CUL3: variants seen among roughly 807,000 people sequenced by gnomAD.
The protein encoded by CUL3 is cullin 3, also known as cullin-3.
Under a neutral mutation model 89.1 loss-of-function variants are expected in CUL3, and 19 were observed. That is an observed-to-expected ratio of 0.21 (90% CI 0.15 to 0.31). The LOEUF (loss-of-function observed/expected upper bound fraction) is 0.31. Ranked by LOEUF, CUL3 falls within the 10% of genes least tolerant of loss-of-function variation. The pLI, the probability that CUL3 is intolerant of heterozygous loss-of-function variation, is 1.00. For synonymous variants in CUL3, 351 were observed against 308.4 expected, an observed-to-expected ratio of 1.14 and a Z score of -1.45; for missense variants, 469 against 942.3, an observed-to-expected ratio of 0.50 and a Z score of 6.58.
intron 3 of CUL3, among the ~76,000 whole-genome samples, chr2:224,519,982 C>G (rs897227628): frequency 1.3e-5 from 2 of 151,872 alleles, no homozygotes; most frequent in African/African-American, 4.8e-5. Flanking sequence ...TAATCCCAGG[C>G]TTTGACCAAA....
chr2:224,487,443 C>CAAAAAAAAAA (rs530054431), intron 13 of CUL3, among the ~76,000 whole-genome samples: 1 of 28,064 alleles, frequency 3.6e-5, no homozygotes, highest in African/African-American at 2.0e-4. Context: ...CCGCCCCCCC[C>CAAAAAAAAAA]AAAAAAAAAA....
chr2:224,496,059 C>T, intron 12 of CUL3, 93 bp from the exon 13 acceptor site: 2 of 1,370,094 alleles, frequency 1.5e-6, no homozygotes, highest in Non-Finnish European at 2.0e-6. Flanking sequence ...GTTACAGGGT[C>T]TCACTTTGTC....
intron 15 of CUL3, among the ~76,000 whole-genome samples, chr2:224,474,696 C>G (rs1442500392): frequency 1.3e-5 from 2 of 152,194 alleles, no homozygotes; most frequent in Non-Finnish European, 2.9e-5. Context: ...GAGTTATACT[C>G]AAAACTCACA....
intron 1 of CUL3, among the ~76,000 whole-genome samples, chr2:224,581,834 T>A (rs546735369): frequency 6.6e-6 from 1 of 152,208 alleles, no homozygotes; most frequent in South Asian, 2.1e-4. Flanking sequence ...CTTGACACTT[T>A]TGGTGAAACT....
Position 224,474,701 on chromosome 2 carries a change from C to T in CUL3, c.2176-325G>A, listed in dbSNP as rs370304022. Among the ~76,000 whole-genome samples, 3 of 152,208 alleles carry T rather than the reference C, an allele frequency of 2.0e-5. No homozygotes were observed. In the East Asian group the frequency reaches 5.8e-4, roughly 29 times the overall value. On this transcript the variant is annotated intron_variant, in intron 15 of 15. Transcript: ENST00000264414. The stretch of plus-strand genomic sequence containing the variant: ...ACTGAATTCTGAGTTATACTCAAAA[C>T]TCACAGAACTTGGGTAGCCTATGTA...
At chr2:224,524,543 T>C (rs959645025) in intron 3 of CUL3, among the ~76,000 whole-genome samples, 2 of 152,138 alleles carry the variant, frequency 1.3e-5, no homozygotes, top group African/African-American at 4.8e-5. Flanking sequence ...TTTCTTTCAG[T>C]TCAGACCCCA....
At chr2:224,567,641 G>A (rs757008159) in intron 1 of CUL3, among the ~76,000 whole-genome samples, 1 of 152,016 alleles carries the variant, frequency 6.6e-6, no homozygotes, top group Non-Finnish European at 1.5e-5. Flanking sequence ...TCGGGAGGCT[G>A]AGGCAGGAGA....
At chr2:224,584,495 C>T (rs1239592376) in intron 1 of CUL3, among the ~76,000 whole-genome samples, 1 of 152,060 alleles carries the variant, frequency 6.6e-6, no homozygotes, top group Non-Finnish European at 1.5e-5. Context: ...AGGGCAGCCC[C>T]TTCATCACCC....
intron 2 of CUL3, among the ~76,000 whole-genome samples, chr2:224,538,082 T>C (rs543933443): frequency 6.6e-6 from 1 of 152,278 alleles, no homozygotes; most frequent in Non-Finnish European, 1.5e-5. Context: ...TCCTGACCAA[T>C]AACGGTGAAT....
chr2:224,524,033 G>A (rs989600982), intron 3 of CUL3, among the ~76,000 whole-genome samples: 1 of 152,084 alleles, frequency 6.6e-6, no homozygotes, highest in Non-Finnish European at 1.5e-5. Flanking sequence ...TAATAGCTCT[G>A]AACTGCACAC....
At chr2:224,554,894 G>T (rs1694647242) in intron 2 of CUL3, among the ~76,000 whole-genome samples, 1 of 152,018 alleles carries the variant, frequency 6.6e-6, no homozygotes, top group African/African-American at 2.4e-5. Flanking sequence ...TCTTCCACTT[G>T]TCCTTTTGAT....
At chr2:224,497,305 C>T (rs931975344) in intron 12 of CUL3, among the ~76,000 whole-genome samples, 11 of 152,046 alleles carry the variant, frequency 7.2e-5, no homozygotes, top group South Asian at 4.1e-4. Context: ...TGGTCTAATA[C>T]TAATTTTTTA....
At chr2:224,557,060 A>C (rs920470629) in intron 2 of CUL3, among the ~76,000 whole-genome samples, 10 of 152,164 alleles carry the variant, frequency 6.6e-5, no homozygotes, top group African/African-American at 2.4e-4. Flanking sequence ...AAGGCATTGT[A>C]ATAAAATTTA....
chr2:224,514,594 TAAAG>T lies in CUL3; in HGVS notation c.539+14_539+17del, dbSNP rs1483539846. ...ATCACTAAAACCAAAACCACAAGAG[TAAAG>T]AGAGAAATTTTACCTGTCTACGACT... On this transcript the variant is annotated intron_variant, in intron 4 of 15. Coordinates refer to ENST00000264414, the MANE Select transcript of CUL3 (RefSeq NM_003590.5). 1.3e-6 allele frequency: 2 copies of T among 1,595,552 alleles called. No individual in the cohort carries two copies. The highest frequency in any genetic ancestry group is 1.7e-6 in the Non-Finnish European group (2 of 1,169,194).
In CUL3 at chr2:224,470,182, T is replaced by C; in HGVS notation, c.*4063A>G. The C allele has an allele frequency of 5.0e-6, 1 of 198,096 alleles. No homozygotes were observed. Among genetic ancestry groups the C allele is most frequent in the Non-Finnish European group, 1.0e-5 (1 of 95,910 alleles). The allele number at this position is 198,096 out of a possible 1,614,324, so 12.3% of individuals were successfully genotyped here. A position where few individuals can be genotyped will look rare whatever the true frequency, so the allele number is the denominator to read the frequency against. On this transcript the variant is annotated 3_prime_UTR_variant, in exon 16 of 16. Transcript: ENST00000264414. ...ACTGAGAATTTTAATTTTCCCACAT[T>C]GCAATAAATCTTGTATGCAATAAAG...
At chr2:224,531,305 C>A (rs951983103) in intron 3 of CUL3, among the ~76,000 whole-genome samples, 3 of 151,926 alleles carry the variant, frequency 2.0e-5, no homozygotes, top group African/African-American at 7.3e-5. Flanking sequence ...CCAGGCTGGT[C>A]TCAAATTCCT....
intron 1 of CUL3, among the ~76,000 whole-genome samples, chr2:224,577,549 A>G (rs1303380371): frequency 1.4e-5 from 2 of 143,152 alleles, no homozygotes; most frequent in African/African-American, 5.4e-5. Context: ...AGCCTGGGTG[A>G]CAGAGCGGAG....
At chr2:224,481,830 GATT>G (rs1382684699) in intron 14 of CUL3, 59 bp downstream of exon 14, 1 of 1,187,098 alleles carries the variant, frequency 8.4e-7, no homozygotes, top group Admixed American at 3.0e-5. Flanking sequence ...CAATAGATGA[GATT>G]TTTTTTCTAA....
chr2:224,559,523 T>C (rs1179592715), intron 1 of CUL3, among the ~76,000 whole-genome samples: 1 of 151,984 alleles, frequency 6.6e-6, no homozygotes. Flanking sequence ...ATATATTCCT[T>C]CAGCACCATC....
Sources: allele counts gnomAD v4.1 joint callset (sites outside exome capture counted in the v4.1 genomes callset), GRCh38; gene constraint gnomAD v4.1.1; transcripts MANE v1.5; gene names NCBI Gene and HGNC (gene_info 2026-07-23, HGNC 2026-07-21).